The following RIMS2 variants were observed in gnomAD, a reference collection of about 807,000 sequenced individuals.
RIMS2 encodes the protein regulating synaptic membrane exocytosis protein 2.
In RIMS2, 59 loss-of-function variants were observed where a neutral mutation model predicts 174.4. The ratio of observed to expected loss-of-function variants is 0.34; its 90% CI spans 0.27 to 0.42. The LOEUF is 0.42. RIMS2 is among the 10% of genes least tolerant of loss of function. The probability of loss-of-function intolerance (pLI) is 1.00; values close to 1 mark genes in which losing one functional copy is unlikely to be tolerated. For synonymous variants in RIMS2, 606 were observed against 572.5 expected (o/e 1.06, Z -0.84); for missense variants, 1,620 against 1,666.3 (o/e 0.97, Z 0.48).
chr8:103,759,304 G>A (rs2098078116), intron 2 of RIMS2, among the ~76,000 whole-genome samples: 2 of 152,148 alleles, frequency 1.3e-5, no homozygotes, highest in South Asian at 2.1e-4. Context: ...GGTGGCTCAC[G>A]CCTGTAATCC....
At chr8:103,825,618 G>A (rs1375254961) in intron 3 of RIMS2, among the ~76,000 whole-genome samples, 2 of 151,894 alleles carry the variant, frequency 1.3e-5, no homozygotes, top group Non-Finnish European at 2.9e-5. Flanking sequence ...CATCCATATT[G>A]TGGCATGTGT....
chr8:103,521,918 C>G (rs1025812262), intron 1 of RIMS2, among the ~76,000 whole-genome samples: 3 of 150,990 alleles, frequency 2.0e-5, no homozygotes, highest in African/African-American at 7.3e-5. Flanking sequence ...CTTCTTCCTG[C>G]TCTACCTTGC....
At chr8:104,193,050 CCTCT>C (rs367963342) in intron 19 of RIMS2, among the ~76,000 whole-genome samples, 2 of 149,842 alleles carry the variant, frequency 1.3e-5, no homozygotes, top group Non-Finnish European at 3.0e-5. Flanking sequence ...TTTCTCCTCC[CCTCT>C]CTCTCTCTCT....
chr8:104,026,300 T>C (rs934566173), intron 19 of RIMS2, among the ~76,000 whole-genome samples: 10 of 152,202 alleles, frequency 6.6e-5, no homozygotes, highest in African/African-American at 2.2e-4. Context: ...TTTAATCCAT[T>C]AGGATTTAAC....
chr8:104,123,270 C>G (rs561403478), intron 19 of RIMS2, among the ~76,000 whole-genome samples: 1 of 151,762 alleles, frequency 6.6e-6, no homozygotes, highest in Non-Finnish European at 1.5e-5. Flanking sequence ...AATGATCTTA[C>G]GATATTTAAA....
intron 19 of RIMS2, among the ~76,000 whole-genome samples, chr8:104,244,411 A>G (rs2140028714): frequency 6.6e-6 from 1 of 152,268 alleles, no homozygotes; most frequent in Admixed American, 6.5e-5. Context: ...ACAAAAACAG[A>G]CTTTCCTATA....
chr8:103,579,686 A>G (rs1437454046), intron 1 of RIMS2, among the ~76,000 whole-genome samples: 3 of 152,190 alleles, frequency 2.0e-5, no homozygotes, highest in African/African-American at 7.2e-5. Context: ...GGTAACCACA[A>G]TGCCAATTAA....
intron 1 of RIMS2, among the ~76,000 whole-genome samples, chr8:103,672,850 AT>A (rs2096762348): frequency 6.6e-6 from 1 of 152,136 alleles, no homozygotes; most frequent in Non-Finnish European, 1.5e-5. Flanking sequence ...AACTTGTTCT[AT>A]TGTTTAAAGT....
At chr8:103,952,860 C>T (rs2085864680) in intron 14 of RIMS2, among the ~76,000 whole-genome samples, 1 of 151,954 alleles carries the variant, frequency 6.6e-6, no homozygotes, top group Admixed American at 6.6e-5. Flanking sequence ...AAGCTAAGAA[C>T]CTTGAAAAAA....
chr8:103,879,760 G>A (rs1234010231), intron 3 of RIMS2, among the ~76,000 whole-genome samples: 9 of 151,380 alleles, frequency 5.9e-5, no homozygotes, highest in Admixed American at 6.6e-5. Context: ...TTTTCTACTC[G>A]TCTAACACTG....
intron 19 of RIMS2, among the ~76,000 whole-genome samples, chr8:104,228,314 C>T (rs2099202233): frequency 6.6e-6 from 1 of 152,164 alleles, no homozygotes; most frequent in African/African-American, 2.4e-5. Context: ...AGGCATGAGC[C>T]ACCGTGCCCG....
chr8:104,019,301 T>C (rs553788121), intron 19 of RIMS2, among the ~76,000 whole-genome samples: 1 of 152,208 alleles, frequency 6.6e-6, no homozygotes. Flanking sequence ...TGAATACTAA[T>C]CTTACCAATT....
At chr8:104,223,674 G>C in intron 19 of RIMS2, 3 of 1,590,886 alleles carry the variant, frequency 1.9e-6, no homozygotes, top group South Asian at 1.1e-5. Flanking sequence ...GGCTTGGGGG[G>C]TGCCAGCGCT....
chr8:103,803,433 G>A (rs552225124), intron 3 of RIMS2, among the ~76,000 whole-genome samples: 2 of 151,338 alleles, frequency 1.3e-5, no homozygotes, highest in South Asian at 4.2e-4. Flanking sequence ...TTGTTTATGT[G>A]GATTATATTT....
chr8:103,691,003 C>T (rs2097016875), intron 1 of RIMS2, among the ~76,000 whole-genome samples: 2 of 152,162 alleles, frequency 1.3e-5, no homozygotes, highest in African/African-American at 4.8e-5. Flanking sequence ...TTTCTTTCAA[C>T]ACTTTGAATA....
intron 3 of RIMS2, among the ~76,000 whole-genome samples, chr8:103,802,492 G>A (rs2098618334): frequency 1.3e-5 from 2 of 152,108 alleles, no homozygotes; most frequent in African/African-American, 2.4e-5. Flanking sequence ...TCCGGTATTG[G>A]TCAAGGATAT....
intron 19 of RIMS2, among the ~76,000 whole-genome samples, chr8:104,149,931 T>C (rs1421766578): frequency 6.6e-6 from 1 of 152,162 alleles, no homozygotes; most frequent in African/African-American, 2.4e-5. Flanking sequence ...ATTTTTGTCA[T>C]AGGATTTTTA....
At chr8:104,226,751 C>G (rs537699536) in intron 19 of RIMS2, among the ~76,000 whole-genome samples, 1 of 152,160 alleles carries the variant, frequency 6.6e-6, no homozygotes, top group Admixed American at 6.6e-5. Context: ...CTCTCAGTTT[C>G]TCATGAACCA....
chr8:103,861,368 A>G (rs2099058180), intron 3 of RIMS2, among the ~76,000 whole-genome samples: 1 of 152,130 alleles, frequency 6.6e-6, no homozygotes, highest in African/African-American at 2.4e-5. Flanking sequence ...CATTTTCTTT[A>G]TACAATCAAC....
Sources: allele counts gnomAD v4.1 joint callset (sites outside exome capture counted in the v4.1 genomes callset), GRCh38; gene constraint gnomAD v4.1.1; transcripts MANE v1.5; gene names NCBI Gene and HGNC (gene_info 2026-07-23, HGNC 2026-07-21).